Variants in CLASP1 observed in about 807,000 individuals in gnomAD.
CLASP1 encodes CLIP-associating protein 1.
CLASP1 carries 38 observed loss-of-function variants against 192.3 expected under a neutral mutation model. The ratio of observed to expected loss-of-function variants is 0.20; its 90% confidence interval spans 0.15 to 0.26. CLASP1 has a LOEUF of 0.26. CLASP1 is among the 10% of genes least tolerant of loss of function. CLASP1 has a pLI of 1.00. For synonymous variants in CLASP1, 691 were observed against 712.8 expected (o/e 0.97, Z 0.49); for missense variants, 1,433 against 1,932.5 (o/e 0.74, Z 4.85).
exon 32 of CLASP1, chr2:121,387,142 G>A: frequency 6.2e-7 from 1 of 1,613,774 alleles, no homozygotes; most frequent in Non-Finnish European, 8.5e-7. Context: ...GACCCCCATG[G>A]GAACAGTTGG....
chr2:121,470,012 T>C (rs1477827481), intron 8 of CLASP1, 52 bp from the exon 9 acceptor site: 18 of 1,308,744 alleles, frequency 1.4e-5, no homozygotes, highest in Non-Finnish European at 1.8e-5. Flanking sequence ...AAACTATATA[T>C]ACATATATAT....
intron 2 of CLASP1, among the ~76,000 whole-genome samples, chr2:121,540,778 C>T (rs2095215614): frequency 7.2e-6 from 1 of 138,804 alleles, no homozygotes; most frequent in Non-Finnish European, 1.5e-5. Context: ...CAGAGTGAGA[C>T]TCCATCCAAA....
rs1575079037 is a variant in CLASP1, at chr2:121,460,969, T to C, written c.1032+132A>G. The C allele has an allele frequency of 1.7e-5, 11 of 634,158 alleles. No individual in the cohort carries two copies. In the East Asian group the frequency reaches 3.3e-4, roughly 19 times the overall value. The allele number at this position is 634,158 out of a possible 1,614,324, so 39.3% of individuals were successfully genotyped here. On this transcript the variant is annotated intron_variant, in intron 11 of 39. Transcript: ENST00000263710. ...GACACTCTACTAAAAAGGTGAAGTA[T>C]AAATATGATAATTTGAACTTAAAAT... is the stretch of plus-strand genomic sequence containing the variant.
intron 37 of CLASP1, among the ~76,000 whole-genome samples, chr2:121,353,540 G>A (rs1000289793): frequency 1.3e-5 from 2 of 152,184 alleles, no homozygotes; most frequent in Admixed American, 6.5e-5. Context: ...CTATGCCCCT[G>A]GCCAAGTCAT....
At chr2:121,407,589 G>C in exon 25 of CLASP1, 1 of 1,614,008 alleles carries the variant, frequency 6.2e-7, no homozygotes, top group Non-Finnish European at 8.5e-7. Context: ...GTCTGCCGCA[G>C]ATAATGGGGA....
intron 28 of CLASP1, among the ~76,000 whole-genome samples, chr2:121,399,349 A>G (rs951271111): frequency 4.6e-5 from 7 of 152,232 alleles, no homozygotes; most frequent in African/African-American, 1.7e-4. Flanking sequence ...TTCGGGAAGG[A>G]AAGCATACTT....
chr2:121,552,823 A>C (rs1326785406), intron 2 of CLASP1, among the ~76,000 whole-genome samples: 7 of 152,252 alleles, frequency 4.6e-5, no homozygotes, highest in Non-Finnish European at 7.3e-5. Context: ...CATTCGACCT[A>C]GCAATCCCAT....
At chr2:121,387,675 G>C (rs543621250) in intron 31 of CLASP1, 88 bp downstream of exon 32, 2 of 1,294,208 alleles carry the variant, frequency 1.5e-6, no homozygotes, top group African/African-American at 1.5e-5. Flanking sequence ...ACAAGGAAAC[G>C]GGGTATTCTA....
intron 7 of CLASP1, among the ~76,000 whole-genome samples, chr2:121,511,621 T>C (rs1020980361): frequency 6.0e-5 from 9 of 149,010 alleles, no homozygotes; most frequent in Non-Finnish European, 1.2e-4. Flanking sequence ...GAGAGAGAGC[T>C]GAAATTCAGC....
intron 8 of CLASP1, among the ~76,000 whole-genome samples, chr2:121,501,987 G>A (rs1292163231): frequency 6.6e-6 from 1 of 152,064 alleles, no homozygotes; most frequent in Non-Finnish European, 1.5e-5. Flanking sequence ...ATACAATGAG[G>A]TATCCAGAGT....
chr2:121,559,151 C>T (rs539320658), intron 2 of CLASP1, among the ~76,000 whole-genome samples: 9 of 152,252 alleles, frequency 5.9e-5, no homozygotes, highest in African/African-American at 2.2e-4. Context: ...CAGCAGAATG[C>T]TCAATCTTTA....
chr2:121,628,444 G>T (rs2068794068), intron 1 of CLASP1, among the ~76,000 whole-genome samples: 1 of 152,072 alleles, frequency 6.6e-6, no homozygotes, highest in South Asian at 2.1e-4. Context: ...GGGAGCCTGA[G>T]GTGCGTGGAT....
intron 8 of CLASP1, among the ~76,000 whole-genome samples, chr2:121,502,391 C>G (rs181306767): frequency 1.2e-3 from 180 of 152,278 alleles, no homozygotes; most frequent in African/African-American, 4.2e-3. Flanking sequence ...AGCGTTCCCT[C>G]AGAACCCTGG....
chr2:121,541,531 C>A (rs1292596030), intron 2 of CLASP1, among the ~76,000 whole-genome samples: 1 of 152,200 alleles, frequency 6.6e-6, no homozygotes, highest in African/African-American at 2.4e-5. Context: ...ATGATATACA[C>A]AAAACCCCAC....
At chr2:121,555,514 A>G (rs1210188750) in intron 2 of CLASP1, among the ~76,000 whole-genome samples, 3 of 152,182 alleles carry the variant, frequency 2.0e-5, no homozygotes, top group Non-Finnish European at 1.5e-5. Context: ...GAGGAGGAGG[A>G]TGGAGGGAAG....
chr2:121,511,714 TAAC>T (rs1432696796), intron 7 of CLASP1, among the ~76,000 whole-genome samples: 1 of 151,822 alleles, frequency 6.6e-6, no homozygotes, highest in African/African-American at 2.4e-5. Context: ...GAACAGTAAA[TAAC>T]AAAAGGATCA....
chr2:121,530,232 A>G lies in CLASP1; in HGVS notation c.274+15T>C. On this transcript the variant is annotated intron_variant, in intron 3 of 39. Transcript: ENST00000263710. ...CTGAAGGGGCCGGGTCCGCTCCACA[A>G]GTGCCGCAGCTCACCTGTGCCGATC... The G allele has an allele frequency of 6.5e-7, 1 of 1,545,166 alleles. No homozygotes were observed. Among genetic ancestry groups the G allele is most frequent in the Non-Finnish European group, 8.8e-7 (1 of 1,142,588 alleles).
At chr2:121,403,903 A>C (rs2076516207) in intron 26 of CLASP1, 2 of 442,094 alleles carry the variant, frequency 4.5e-6, no homozygotes, top group East Asian at 1.4e-4. Flanking sequence ...TTATGAAATA[A>C]CCTGGTTTAT....
intron 8 of CLASP1, chr2:121,490,372 T>C: frequency 2.3e-6 from 1 of 435,268 alleles, no homozygotes; most frequent in Non-Finnish European, 4.6e-6. Context: ...CAGCAAACTC[T>C]CCACCCACAC....
Sources: gnomAD v4.1 joint callset for allele counts (sites outside exome capture counted in the v4.1 genomes callset) on GRCh38, gnomAD v4.1.1 for gene constraint, MANE v1.5 for transcripts, NCBI Gene and HGNC (gene_info 2026-07-23, HGNC 2026-07-21) for gene names.